Variants in DLG2 observed in about 807,000 individuals in gnomAD.
DLG2 encodes disks large homolog 2.
DLG2 carries 45 observed loss-of-function variants against 132.5 expected under a neutral mutation model. That is an observed-to-expected ratio of 0.34 (90% CI 0.27 to 0.44). The LOEUF is 0.44. DLG2 is among the 20% of genes least tolerant of loss of function. The pLI, the probability that DLG2 is intolerant of heterozygous loss-of-function variation, is 1.00. For synonymous variants in DLG2, 424 were observed against 419.6 expected (o/e 1.01, Z -0.13); for missense variants, 1,045 against 1,196.9 (o/e 0.87, Z 1.87).
chr11:84,098,526 G>A (rs1170855085), intron 10 of DLG2, among the ~76,000 whole-genome samples: 1 of 152,092 alleles, frequency 6.6e-6, no homozygotes, highest in East Asian at 1.9e-4. Flanking sequence ...AATGGTTGCC[G>A]AATATGAGAA....
intron 7 of DLG2, among the ~76,000 whole-genome samples, chr11:84,299,175 T>G (rs2098125866): frequency 6.6e-6 from 1 of 152,162 alleles, no homozygotes; most frequent in African/African-American, 2.4e-5. Flanking sequence ...GACCACTCAT[T>G]AACATTTCCA....
At chr11:83,803,194 A>T (rs1396498057) in intron 17 of DLG2, among the ~76,000 whole-genome samples, 1 of 152,088 alleles carries the variant, frequency 6.6e-6, no homozygotes, top group Non-Finnish European at 1.5e-5. Flanking sequence ...TGTGCCAGTC[A>T]TTGTGCTATT....
chr11:84,158,121 T>C (rs1478241296), intron 9 of DLG2, among the ~76,000 whole-genome samples: 1 of 152,026 alleles, frequency 6.6e-6, no homozygotes, highest in African/African-American at 2.4e-5. Context: ...TGGAGTGCAG[T>C]GGCACCATCT....
chr11:84,308,283 A>C (rs887916562), intron 7 of DLG2, among the ~76,000 whole-genome samples: 12 of 152,132 alleles, frequency 7.9e-5, no homozygotes, highest in African/African-American at 2.9e-4. Flanking sequence ...GTGTGGACAC[A>C]AAGGTTCTCC....
intron 6 of DLG2, chr11:84,545,235 G>A (rs570776656): frequency 4.2e-5 from 20 of 473,786 alleles, no homozygotes; most frequent in South Asian, 3.1e-4. Flanking sequence ...CAGAGGGGCT[G>A]GAGCTTCTGC....
chr11:84,539,953 T>C, intron 6 of DLG2, among the ~76,000 whole-genome samples: 1 of 152,168 alleles, frequency 6.6e-6, no homozygotes, highest in East Asian at 1.9e-4. Flanking sequence ...GGATGCCCTA[T>C]TTAATAAATG....
chr11:85,569,761 C>T (rs915298437), intron 3 of DLG2, among the ~76,000 whole-genome samples: 3 of 152,140 alleles, frequency 2.0e-5, no homozygotes, highest in Admixed American at 6.5e-5. Flanking sequence ...AGCTTATATG[C>T]TGTTGGTGGG....
intron 6 of DLG2, among the ~76,000 whole-genome samples, chr11:84,627,055 G>C (rs1452653893): frequency 6.6e-6 from 1 of 151,914 alleles, no homozygotes; most frequent in Non-Finnish European, 1.5e-5. Flanking sequence ...ATTTTTGGTA[G>C]AGACAGGGTT....
At chr11:84,627,018 C>T (rs1250783510) in intron 6 of DLG2, among the ~76,000 whole-genome samples, 2 of 151,928 alleles carry the variant, frequency 1.3e-5, no homozygotes, top group Non-Finnish European at 1.5e-5. Context: ...ATTACAGATG[C>T]CCGCCACCAC....
chr11:84,290,733 A>G (rs1599177250), intron 7 of DLG2, among the ~76,000 whole-genome samples: 1 of 152,300 alleles, frequency 6.6e-6, no homozygotes, highest in South Asian at 2.1e-4. Context: ...TTGTAGAGAT[A>G]GAATTAAATT....
intron 8 of DLG2, among the ~76,000 whole-genome samples, chr11:84,240,478 C>T (rs2097212028): frequency 6.6e-6 from 1 of 152,072 alleles, no homozygotes; most frequent in Non-Finnish European, 1.5e-5. Flanking sequence ...TTTAGTTATC[C>T]AGCTGGTATA....
At chr11:84,936,632 C>T (rs966270989) in intron 6 of DLG2, 1 of 151,894 alleles carries the variant, frequency 6.6e-6, no homozygotes, top group African/African-American at 2.4e-5. Flanking sequence ...AAAATACTGG[C>T]AGTAGTTATC....
Position 85,114,895 on chromosome 11 carries a change from A to T in DLG2, c.283-3160T>A. ...AGTGCTTTGGAGTTTAGAAATGCTT[A>T]TATATACATTGAGCCCTTTCATCCC... On this transcript the variant is annotated intron_variant, in intron 5 of 27. Transcript: ENST00000376104. Among the ~76,000 whole-genome samples, 2 of 151,916 alleles carry T rather than the reference A, an allele frequency of 1.3e-5. 1 individual carries two copies.
At chr11:84,926,880 T>C (rs1336212263) in intron 6 of DLG2, among the ~76,000 whole-genome samples, 1 of 152,044 alleles carries the variant, frequency 6.6e-6, no homozygotes, top group African/African-American at 2.4e-5. Context: ...GAATTGATCT[T>C]AGATCTGAGT....
chr11:83,505,067 A>C (rs1244144451), intron 21 of DLG2, among the ~76,000 whole-genome samples: 1 of 152,174 alleles, frequency 6.6e-6, no homozygotes, highest in East Asian at 1.9e-4. Context: ...ACAGTGGATA[A>C]GGCACTTCAT....
chr11:85,537,793 G>A (rs999938849), intron 3 of DLG2, among the ~76,000 whole-genome samples: 1 of 151,968 alleles, frequency 6.6e-6, no homozygotes, highest in Non-Finnish European at 1.5e-5. Context: ...ACATCTGAAG[G>A]AACAAACTGC....
chr11:83,979,367 G>C (rs1338383423), intron 12 of DLG2, among the ~76,000 whole-genome samples: 2 of 152,158 alleles, frequency 1.3e-5, no homozygotes, highest in Non-Finnish European at 2.9e-5. Context: ...AGACAGATTA[G>C]AAGTCCTGTT....
chr11:85,462,690 T>C (rs894935046), intron 3 of DLG2, among the ~76,000 whole-genome samples: 6 of 151,952 alleles, frequency 3.9e-5, no homozygotes, highest in African/African-American at 9.7e-5. Flanking sequence ...TTAGGAGATA[T>C]ACCTAATGTT....
intron 18 of DLG2, among the ~76,000 whole-genome samples, chr11:83,734,381 TTCCTTCCTTCC>T (rs2091558650): frequency 7.1e-6 from 1 of 140,542 alleles, no homozygotes; most frequent in Admixed American, 7.0e-5. Flanking sequence ...CCTTCCTTCC[TTCCTTCCTTCC>T]TTCCTTCCTT....
Sources: allele counts gnomAD v4.1 joint callset (sites outside exome capture counted in the v4.1 genomes callset), GRCh38; gene constraint gnomAD v4.1.1; transcripts MANE v1.5; gene names NCBI Gene and HGNC (gene_info 2026-07-23, HGNC 2026-07-21).